The following LIN52 variants were observed in gnomAD, a reference collection of about 807,000 sequenced individuals.
LIN52 encodes the protein lin-52 DREAM MuvB core complex component.
Under a neutral mutation model 18.5 loss-of-function variants are expected in LIN52, and 4 were observed. The ratio of observed to expected loss-of-function variants is 0.22; its 90% CI spans 0.11 to 0.49. The LOEUF (loss-of-function observed/expected upper bound fraction) is 0.49. Among genes scored for constraint, LIN52 ranks in the 20% least tolerant of loss-of-function variants. The probability of loss-of-function intolerance (pLI) is 0.97; values close to 1 mark genes in which losing one functional copy is unlikely to be tolerated. For missense variants in LIN52, 102 were observed against 139.5 expected, an observed-to-expected ratio of 0.73 and a Z score of 1.35; for synonymous variants, 34 against 45.5, an observed-to-expected ratio of 0.75 and a Z score of 1.02.
At chr14:74,168,708 T>C (rs570047997) in intron 5 of LIN52, among the ~76,000 whole-genome samples, 2 of 151,800 alleles carry the variant, frequency 1.3e-5, no homozygotes, top group Non-Finnish European at 2.9e-5. Flanking sequence ...TCAAACAGCA[T>C]TTAGAGTAAA....
chr14:74,181,044 G>A (rs2061316076), intron 5 of LIN52, among the ~76,000 whole-genome samples: 1 of 146,098 alleles, frequency 6.8e-6, no homozygotes, highest in South Asian at 2.1e-4. Flanking sequence ...GGAGGTAGAA[G>A]CTACAGTGAG....
chr14:74,101,935 G>A (rs1288825786), intron 5 of LIN52, among the ~76,000 whole-genome samples: 2 of 152,010 alleles, frequency 1.3e-5, no homozygotes, highest in African/African-American at 2.4e-5. Flanking sequence ...ACCGTGCCTG[G>A]GTAATTAAAA....
At chr14:74,131,608 C>T (rs1414070670) in intron 5 of LIN52, among the ~76,000 whole-genome samples, 1 of 152,144 alleles carries the variant, frequency 6.6e-6, no homozygotes, top group Non-Finnish European at 1.5e-5. Flanking sequence ...GAGCATCGCA[C>T]CTGGCCGTAG....
At position 74,160,987 on chromosome 14, in the gene LIN52, T is replaced by C. The variant is rs115917414; in HGVS notation, c.284-37935T>C. 6.9e-3 allele frequency among the ~76,000 whole-genome samples: 1,050 copies of C among 152,360 alleles called. 8 individuals carry two copies. Among genetic ancestry groups the C allele is most frequent in the African/African-American group, 0.024 (997 of 41,582 alleles). On this transcript the variant is annotated intron_variant, in intron 5 of 5. Transcript: ENST00000555028. ...ATCTTAACAAAATACAGAACTTGCTTTGACATAGTTTGTTCTTTACTCATC... is the reference window on the plus strand; with the variant it reads ...ATCTTAACAAAATACAGAACTTGCTCTGACATAGTTTGTTCTTTACTCATC...
At chr14:74,105,798 A>C (rs183086120) in intron 5 of LIN52, among the ~76,000 whole-genome samples, 20 of 152,234 alleles carry the variant, frequency 1.3e-4, no homozygotes, top group African/African-American at 4.8e-4. Flanking sequence ...GAAAGAAAAA[A>C]AATGCAAAAA....
chr14:74,133,666 A>G (rs1018871984), intron 5 of LIN52, among the ~76,000 whole-genome samples: 2 of 152,238 alleles, frequency 1.3e-5, no homozygotes, highest in African/African-American at 4.8e-5. Flanking sequence ...TGAAACCTTC[A>G]GAATGGTTAT....
chr14:74,200,379 C>T lies in LIN52; in HGVS notation c.*1402C>T, dbSNP rs914457224. On this transcript the variant is annotated 3_prime_UTR_variant, in exon 6 of 6. Transcript: ENST00000555028. ...AGTGAGCCGAAATTATGCCACTGCA[C>T]TCCAGCCTGGGCAACAGAGTGAGAC... 3.0e-5 allele frequency: 4 copies of T among 132,960 alleles called. No homozygotes were observed. Among genetic ancestry groups the T allele is most frequent in the Non-Finnish European group, 6.2e-5 (4 of 64,708 alleles). The allele number at this position is 132,960 out of a possible 1,614,324, so 8.2% of individuals were successfully genotyped here. A position where few individuals can be genotyped will look rare whatever the true frequency, so the allele number is the denominator to read the frequency against.
intron 5 of LIN52, among the ~76,000 whole-genome samples, chr14:74,134,315 G>C (rs8007847): frequency 0.17 from 26,236 of 152,092 alleles, 2,765 homozygotes; most frequent in East Asian, 0.58. Context: ...AAAGGAACAG[G>C]CTTCACTACC....
At chr14:74,130,646 G>A (rs1388397826) in intron 5 of LIN52, among the ~76,000 whole-genome samples, 1 of 139,154 alleles carries the variant, frequency 7.2e-6, no homozygotes, top group Non-Finnish European at 1.5e-5. Flanking sequence ...CCAGGCTGGA[G>A]TTCAGTGGTC....
intron 5 of LIN52, among the ~76,000 whole-genome samples, chr14:74,127,846 G>A (rs531509475): frequency 2.6e-5 from 4 of 152,096 alleles, no homozygotes; most frequent in Admixed American, 1.3e-4. Flanking sequence ...CAAAGTGCTG[G>A]GATTACAGGC....
At chr14:74,121,840 C>T (rs1202794188) in intron 5 of LIN52, among the ~76,000 whole-genome samples, 4 of 151,914 alleles carry the variant, frequency 2.6e-5, no homozygotes, top group Non-Finnish European at 5.9e-5. Flanking sequence ...TATCCTGCCT[C>T]AGCCTCCCGA....
chr14:74,138,393 G>C (rs1240556044), intron 5 of LIN52, among the ~76,000 whole-genome samples: 2 of 152,182 alleles, frequency 1.3e-5, no homozygotes, highest in Admixed American at 1.3e-4. Context: ...AGAGAGATGA[G>C]TCAAAGTGAT....
At chr14:74,187,914 A>G (rs2061347732) in intron 5 of LIN52, among the ~76,000 whole-genome samples, 1 of 152,224 alleles carries the variant, frequency 6.6e-6, no homozygotes, top group Non-Finnish European at 1.5e-5. Flanking sequence ...TGAGGCATGG[A>G]GAGCCTACAT....
chr14:74,131,709 T>C (rs2061069101), intron 5 of LIN52, among the ~76,000 whole-genome samples: 1 of 152,226 alleles, frequency 6.6e-6, no homozygotes. Flanking sequence ...AATAAAGTAA[T>C]GTTTACTGGC....
At chr14:74,160,968 A>C (rs1021085994) in intron 5 of LIN52, among the ~76,000 whole-genome samples, 6 of 152,188 alleles carry the variant, frequency 3.9e-5, no homozygotes, top group African/African-American at 1.4e-4. Flanking sequence ...TTTTATCTTA[A>C]CAAAATACAG....
intron 5 of LIN52, among the ~76,000 whole-genome samples, chr14:74,163,927 A>G (rs1034331103): frequency 6.6e-6 from 1 of 152,112 alleles, no homozygotes; most frequent in Non-Finnish European, 1.5e-5. Flanking sequence ...AAGTTAAAAC[A>G]CAATGGTTAC....
At chr14:74,160,118 G>A (rs57100336) in intron 5 of LIN52, among the ~76,000 whole-genome samples, 2,403 of 152,262 alleles carry the variant, frequency 0.016, 62 homozygotes, top group African/African-American at 0.054. Flanking sequence ...AAGTTAAAAT[G>A]AGGTCATTGT....
rs556339570 is a variant in LIN52 at position 74,137,586 on chromosome 14, C to T, written c.283+36348C>T. 2.7e-5 allele frequency among the ~76,000 whole-genome samples: 4 copies of T among 150,692 alleles called. No individual in the cohort carries two copies. In the South Asian group the frequency reaches 8.4e-4, roughly 32 times the overall value. ...CGATCTCAGCTCACCACAACCTCTC[C>T]CTCCTGGGTTCAAGTGATTCTTCTG... On this transcript the variant is annotated intron_variant, in intron 5 of 5. Transcript: ENST00000555028.
intron 5 of LIN52, among the ~76,000 whole-genome samples, chr14:74,172,039 T>C (rs1396641328): frequency 6.6e-6 from 1 of 152,220 alleles, no homozygotes; most frequent in African/African-American, 2.4e-5. Flanking sequence ...TCTCGGCCCA[T>C]TTTAATTCTT....
Sources: gnomAD v4.1 joint callset for allele counts (sites outside exome capture counted in the v4.1 genomes callset) on GRCh38, gnomAD v4.1.1 for gene constraint, MANE v1.5 for transcripts, NCBI Gene and HGNC (gene_info 2026-07-23, HGNC 2026-07-21) for gene names.